Variants in COL4A3 observed in about 807,000 individuals in gnomAD.
The protein encoded by COL4A3 is collagen type IV alpha 3 chain, also known as collagen alpha-3(IV) chain.
A neutral mutation model predicts 217.4 loss-of-function variants in COL4A3; 135 were observed. The ratio of observed to expected loss-of-function variants is 0.62; its 90% confidence interval spans 0.54 to 0.72. COL4A3 has a LOEUF of 0.72. Ranked by LOEUF, COL4A3 falls within the 30% of genes least tolerant of loss-of-function variation. COL4A3 has a pLI of 0.00. For missense variants in COL4A3, 1,868 were observed against 2,119.9 expected, an observed-to-expected ratio of 0.88 and a Z score of 2.33; for synonymous variants, 690 against 736.3, an observed-to-expected ratio of 0.94 and a Z score of 1.02.
At chr2:227,311,758 G>T in intron 51 of COL4A3, 28 bp from the exon 52 acceptor site, 1 of 1,606,176 alleles carries the variant, frequency 6.2e-7, no homozygotes, top group South Asian at 1.1e-5. Flanking sequence ...ATAAATAAAT[G>T]AATTTTTTTG....
chr2:227,243,364 A>T (rs1024535145), intron 3 of COL4A3, among the ~76,000 whole-genome samples: 3 of 152,242 alleles, frequency 2.0e-5, no homozygotes, highest in African/African-American at 7.2e-5. Flanking sequence ...GATGTTTTAG[A>T]TTTACAAGAT....
chr2:227,171,309 T>C (rs1003883973), intron 1 of COL4A3, among the ~76,000 whole-genome samples: 3 of 152,230 alleles, frequency 2.0e-5, no homozygotes, highest in Admixed American at 6.5e-5. Flanking sequence ...CTGAACTTTA[T>C]GTATGTAGAT....
intron 18 of COL4A3, chr2:227,259,031 T>G (rs938889925): frequency 6.6e-6 from 1 of 152,032 alleles, no homozygotes; most frequent in African/African-American, 2.4e-5. Context: ...ACCTTTGATA[T>G]TTCCACCTTT....
At chr2:227,176,791 T>C (rs759754038) in intron 1 of COL4A3, among the ~76,000 whole-genome samples, 2 of 152,202 alleles carry the variant, frequency 1.3e-5, no homozygotes, top group Non-Finnish European at 2.9e-5. Flanking sequence ...TCTTTCTCTG[T>C]ATCAAATGAC....
At chr2:227,202,601 G>A (rs1312583823) in intron 1 of COL4A3, among the ~76,000 whole-genome samples, 3 of 151,296 alleles carry the variant, frequency 2.0e-5, no homozygotes, top group Admixed American at 6.6e-5. Context: ...CGGGCGCGGT[G>A]GCGGGCACCT....
chr2:227,166,566 A>G (rs1227778767), intron 1 of COL4A3, among the ~76,000 whole-genome samples: 1 of 152,216 alleles, frequency 6.6e-6, no homozygotes, highest in African/African-American at 2.4e-5. Flanking sequence ...CTGTTGTTAC[A>G]TTCCTTTGTT....
chr2:227,294,255 A>G (rs545765427), intron 38 of COL4A3: 114 of 535,360 alleles, frequency 2.1e-4, no homozygotes, highest in Non-Finnish European at 3.2e-4. Flanking sequence ...TCGCATATTG[A>G]GTGGTGCTTG....
chr2:227,265,468 A>G (rs552387659), intron 21 of COL4A3: 2 of 152,364 alleles, frequency 1.3e-5, no homozygotes, highest in South Asian at 4.1e-4. Flanking sequence ...GCCAAAAATT[A>G]GATTACTGAA....
Position 227,270,911 on chromosome 2 carries a change from A to G in COL4A3, c.1717A>G (p.Thr573Ala). Residue 573 changes from threonine (T) to alanine (A), a missense_variant, in exon 25 of 52, where the codon ACT (threonine) becomes GCT (alanine). Physicochemically the swap from Thr to Ala is moderately conservative, Grantham distance 58. Transcript: ENST00000396578. Reference sequence around the variant, plus strand: ...AAAGGGCTTGGATGGAATTCCTGGAACTCCGGGAGTGAAAGGATTACCAGG... The same window carrying G: ...AAAGGGCTTGGATGGAATTCCTGGAGCTCCGGGAGTGAAAGGATTACCAGG... ...GRKGLDGIPG[T>A]PGVKGLPGPK... 6.2e-7 allele frequency: 1 copy of G among 1,614,050 alleles called. No individual in the cohort carries two copies. The highest frequency in any genetic ancestry group is 8.5e-7 in the Non-Finnish European group (1 of 1,180,004).
chr2:227,262,822 T>C (rs1270820331), intron 20 of COL4A3, among the ~76,000 whole-genome samples: 1 of 152,162 alleles, frequency 6.6e-6, no homozygotes, highest in Non-Finnish European at 1.5e-5. Context: ...GATTGGTTAA[T>C]GGGTACAAGC....
At chr2:227,302,941 C>A in intron 43 of COL4A3, 97 bp from the exon 44 acceptor site, 1 of 775,676 alleles carries the variant, frequency 1.3e-6, no homozygotes, top group Non-Finnish European at 2.3e-6. Context: ...TCTCACCCAA[C>A]ATAATATTAT....
intron 1 of COL4A3, among the ~76,000 whole-genome samples, chr2:227,170,896 T>C (rs1260269202): frequency 1.3e-5 from 2 of 152,262 alleles, no homozygotes; most frequent in African/African-American, 4.8e-5. Flanking sequence ...AGTCTGTATC[T>C]ATTTTAAGAA....
intron 2 of COL4A3, among the ~76,000 whole-genome samples, chr2:227,239,226 C>T (rs982291857): frequency 7.5e-6 from 1 of 134,114 alleles, no homozygotes; most frequent in Non-Finnish European, 1.6e-5. Flanking sequence ...AATAATACAA[C>T]AATTAAAGAT....
intron 6 of COL4A3, chr2:227,246,249 G>A: frequency 1.7e-6 from 1 of 574,122 alleles, no homozygotes; most frequent in Non-Finnish European, 3.1e-6. Context: ...AGCTCAACTG[G>A]TTGTTTTCAT....
intron 1 of COL4A3, among the ~76,000 whole-genome samples, chr2:227,204,042 A>G (rs1367858632): frequency 6.6e-6 from 1 of 152,022 alleles, no homozygotes; most frequent in African/African-American, 2.4e-5. Context: ...AATGGTAAGA[A>G]CCTTTATAGT....
intron 26 of COL4A3, among the ~76,000 whole-genome samples, chr2:227,275,744 G>A (rs12468719): frequency 0.81 from 122,543 of 152,074 alleles, 49,974 homozygotes; most frequent in Non-Finnish European, 0.88. Flanking sequence ...AAAGTGTCCA[G>A]GTTTACAAAC....
Position 227,297,721 on chromosome 2 carries a change from A to G in COL4A3, c.3613A>G (p.Arg1205Gly), listed in dbSNP as rs1403919583. The G allele has an allele frequency of 6.2e-7, 1 of 1,608,780 alleles. No homozygotes were observed. Among genetic ancestry groups the G allele is most frequent in the South Asian group, 1.1e-5 (1 of 89,270 alleles). The change falls in exon 42 of 52, where the codon AGA becomes GGA. Residue 1205 changes from arginine to glycine, a missense_variant. By Grantham distance (125) the Arg-to-Gly change is moderately radical (BLOSUM62 -2). Transcript: ENST00000396578. ...GAPGFPGLPGRKGAMGDAGPR... is the reference protein window; with the variant it reads ...GAPGFPGLPGGKGAMGDAGPR... ...CCCAGGTTTTCCTGGCCTCCCGGGCAGAAAAGGGGCCATGGGAGATGCTGG... is the reference window on the plus strand; with the variant it reads ...CCCAGGTTTTCCTGGCCTCCCGGGCGGAAAAGGGGCCATGGGAGATGCTGG...
At chr2:227,204,687 A>G (rs2067033020) in intron 1 of COL4A3, among the ~76,000 whole-genome samples, 1 of 152,210 alleles carries the variant, frequency 6.6e-6, no homozygotes, top group African/African-American at 2.4e-5. Context: ...GGGATTTTCA[A>G]ATTCTATCCC....
At position 227,253,419 on chromosome 2, in the gene COL4A3, C is replaced by T. The variant is rs1471356528; in HGVS notation, c.687+82C>T. On this transcript the variant is annotated intron_variant, in intron 12 of 51. Transcript: ENST00000396578. This position sits in a 1 kb window ranked among gnomAD's most constrained non-coding sequence, Gnocchi z 4.4. ...TCAGCCTATACCGTTTACTTACGGG[C>T]CAAGCTGAAATTGATGGGCCTTCAT... 6.6e-7 allele frequency: 1 copy of T among 1,512,502 alleles called. No individual in the cohort carries two copies. Among genetic ancestry groups the T allele is most frequent in the Admixed American group, 1.7e-5 (1 of 59,852 alleles). 93.7% of individuals were successfully genotyped at this position (1,512,502 alleles called of 1,614,324 possible).
Sources: gnomAD v4.1 joint callset for allele counts (sites outside exome capture counted in the v4.1 genomes callset) on GRCh38, gnomAD v4.1.1 for gene constraint, Gnocchi (gnomAD v3.1) non-coding constraint, MANE v1.5 for transcripts, NCBI Gene and HGNC (gene_info 2026-07-23, HGNC 2026-07-21) for gene names.